Variants in TACC2 observed in about 807,000 individuals in gnomAD.
The protein encoded by TACC2 is transforming acidic coiled-coil containing protein 2, also known as transforming acidic coiled-coil-containing protein 2.
Under a neutral mutation model 227.3 loss-of-function variants are expected in TACC2, and 137 were observed. The observed-to-expected ratio is 0.60, with a 90% CI of 0.52 to 0.69. TACC2 has a LOEUF of 0.69. TACC2 is among the 30% of genes least tolerant of loss of function. TACC2 has a pLI of 0.00. For missense variants in TACC2, 3,470 were observed against 3,694.4 expected (o/e 0.94, Z 1.57); for synonymous variants, 1,523 against 1,487.5 (o/e 1.02, Z -0.55).
At chr10:122,042,246 TTTC>T (rs1430253685) in intron 2 of TACC2, among the ~76,000 whole-genome samples, 9 of 151,046 alleles carry the variant, frequency 6.0e-5, no homozygotes, top group South Asian at 2.1e-4. Context: ...CACATGGCCT[TTTC>T]TTCTTCTTTT....
At chr10:122,167,043 A>G (rs1350779909) in intron 7 of TACC2, among the ~76,000 whole-genome samples, 1 of 152,158 alleles carries the variant, frequency 6.6e-6, no homozygotes, top group East Asian at 1.9e-4. Flanking sequence ...TTTGTCCTTT[A>G]TGTAGTTGGA....
intron 2 of TACC2, among the ~76,000 whole-genome samples, chr10:122,040,460 T>C (rs2074113398): frequency 6.6e-6 from 1 of 152,048 alleles, no homozygotes; most frequent in Non-Finnish European, 1.5e-5. Flanking sequence ...ATCCTGAAGG[T>C]GGGCTTCACA....
rs777266081 is a variant in TACC2, at chr10:122,087,367, G to A, written c.4867G>A (p.Val1623Ile). Reference sequence around the variant, plus strand: ...TCCCGGGGACTTTGCTCACACAGGGGTTCCAGGACATGTGCCAAGGTCCAC... The same window carrying A: ...TCCCGGGGACTTTGCTCACACAGGGATTCCAGGACATGTGCCAAGGTCCAC... ...DGPGDFAHTG[V>I]PGHVPRSTCA... The change falls in exon 4 of 23, where the codon GTT becomes ATT. Residue 1623 changes from valine (V) to isoleucine (I), a missense_variant. This residue lies in a region of TACC2 where 1,924 missense variants were observed against 1,978.3 expected (regional missense o/e 0.97). Transcript: ENST00000369005. The A allele has an allele frequency of 9.9e-6, 16 of 1,613,914 alleles. No individual in the cohort carries two copies. Among genetic ancestry groups the A allele is most frequent in the African/African-American group, 1.3e-5 (1 of 74,934 alleles).
intron 16 of TACC2, among the ~76,000 whole-genome samples, chr10:122,232,270 C>G (rs943166055): frequency 2.6e-5 from 4 of 152,186 alleles, no homozygotes; most frequent in Non-Finnish European, 4.4e-5. Flanking sequence ...TGCAGTTTGG[C>G]CACTGTAAGT....
chr10:121,998,051 C>T (rs1018654594), intron 1 of TACC2, among the ~76,000 whole-genome samples: 9 of 152,064 alleles, frequency 5.9e-5, no homozygotes, highest in Admixed American at 5.9e-4. Context: ...GTGGCTCATG[C>T]CTGTAACCCT....
At chr10:122,152,566 G>C (rs1007177969) in intron 7 of TACC2, among the ~76,000 whole-genome samples, 2 of 152,154 alleles carry the variant, frequency 1.3e-5, no homozygotes, top group Non-Finnish European at 2.9e-5. Context: ...CCATAAACGC[G>C]TGTTGACACG....
At chr10:122,053,674 T>G (rs2075940663) in intron 3 of TACC2, among the ~76,000 whole-genome samples, 1 of 152,082 alleles carries the variant, frequency 6.6e-6, no homozygotes, top group Non-Finnish European at 1.5e-5. Flanking sequence ...CCCTGCTCAT[T>G]CCCCTCTGAA....
At chr10:122,228,596 C>T (rs1262439493) in intron 14 of TACC2, among the ~76,000 whole-genome samples, 2 of 152,182 alleles carry the variant, frequency 1.3e-5, no homozygotes, top group African/African-American at 2.4e-5. Flanking sequence ...CACCATCCTT[C>T]TAGGTGAATT....
At chr10:122,070,280 G>A (rs2077887774) in intron 3 of TACC2, among the ~76,000 whole-genome samples, 1 of 152,146 alleles carries the variant, frequency 6.6e-6, no homozygotes, top group Admixed American at 6.6e-5. Flanking sequence ...ACTGTGGCAG[G>A]AAAATGATTT....
intron 18 of TACC2, among the ~76,000 whole-genome samples, chr10:122,239,582 G>GT (rs1365931550): frequency 6.6e-6 from 1 of 152,148 alleles, no homozygotes; most frequent in Non-Finnish European, 1.5e-5. Flanking sequence ...GGTGGTTCTA[G>GT]TTTTTTTACA....
At chr10:121,996,253 G>A (rs1953476274) in intron 1 of TACC2, among the ~76,000 whole-genome samples, 1 of 151,968 alleles carries the variant, frequency 6.6e-6, no homozygotes, top group African/African-American at 2.4e-5. Flanking sequence ...ACCGGGTCTT[G>A]CTGTGTTGCT....
At chr10:122,030,302 T>C (rs1958785446) in intron 2 of TACC2, among the ~76,000 whole-genome samples, 2 of 152,188 alleles carry the variant, frequency 1.3e-5, no homozygotes, top group African/African-American at 2.4e-5. Context: ...GAATTGAATG[T>C]ACACTGTTTA....
intron 1 of TACC2, among the ~76,000 whole-genome samples, chr10:121,996,573 GA>G (rs1953529419): frequency 6.6e-6 from 1 of 152,090 alleles, no homozygotes; most frequent in African/African-American, 2.4e-5. Flanking sequence ...GAAACAGAGG[GA>G]AAAATACAAG....
At chr10:121,995,500 C>T (rs546708042) in intron 1 of TACC2, among the ~76,000 whole-genome samples, 2 of 152,274 alleles carry the variant, frequency 1.3e-5, no homozygotes, top group Non-Finnish European at 2.9e-5. Context: ...ATACAGGGGG[C>T]AAAACTCCTC....
At chr10:122,012,186 C>T (rs1241868481) in intron 1 of TACC2, among the ~76,000 whole-genome samples, 3 of 151,884 alleles carry the variant, frequency 2.0e-5, no homozygotes, top group Non-Finnish European at 2.9e-5. Flanking sequence ...CTTTGGGAGG[C>T]CAAGGCGGGT....
rs181594829 is a variant in TACC2, at chr10:122,120,400, C to T, written c.5574-12209C>T. Among the ~76,000 whole-genome samples, 12 of 152,286 alleles carry T rather than the reference C, an allele frequency of 7.9e-5. No individual in the cohort carries two copies. The East Asian group carries it at 2.1e-3, about 27-fold the overall frequency. ...AAACCCTCATTAGGTGGAAGAGGCA[C>T]CCGCAGCCCTGGGAGGGGAAGGGTC... is the stretch of plus-strand genomic sequence containing the variant. On this transcript the variant is annotated intron_variant, in intron 5 of 22. Coordinates refer to ENST00000369005, the MANE Select transcript of TACC2 (RefSeq NM_206862.4).
At chr10:122,245,332 C>T (rs2096087390) in intron 19 of TACC2, among the ~76,000 whole-genome samples, 1 of 152,116 alleles carries the variant, frequency 6.6e-6, no homozygotes, top group Non-Finnish European at 1.5e-5. Context: ...CTTGCCTCCC[C>T]CGTCTCCTGG....
chr10:122,048,236 G>T (rs1291838254), intron 2 of TACC2, among the ~76,000 whole-genome samples: 1 of 152,070 alleles, frequency 6.6e-6, no homozygotes, highest in East Asian at 1.9e-4. Context: ...GGACCTTGGG[G>T]GCTGTCTGCT....
rs372732866 is a variant in TACC2, at chr10:122,008,364, G to A, written c.-45-13573G>A. Among the ~76,000 whole-genome samples, 8 of 151,400 alleles carry A rather than the reference G, an allele frequency of 5.3e-5. No individual in the cohort carries two copies. In the East Asian group the frequency reaches 1.4e-3, roughly 26 times the overall value. On this transcript the variant is annotated intron_variant, in intron 1 of 22. Coordinates refer to ENST00000369005, the MANE Select transcript of TACC2 (RefSeq NM_206862.4). The stretch of plus-strand genomic sequence containing the variant: ...AACCTCTCGCCTCCCAGGTTCAAGC[G>A]ATTCTCCTGCCTCAGCCTCTCGAGT...
Sources: allele counts gnomAD v4.1 joint callset (sites outside exome capture counted in the v4.1 genomes callset), GRCh38; gene constraint gnomAD v4.1.1; regional missense constraint gnomAD v4.1.1; transcripts MANE v1.5; gene names NCBI Gene and HGNC (gene_info 2026-07-23, HGNC 2026-07-21).